DMD: variants seen among roughly 807,000 people sequenced by gnomAD.
DMD encodes mutant dystrophin.
In DMD, 63 loss-of-function variants were observed where a neutral mutation model predicts 330.1. The observed-to-expected ratio is 0.19, with a 90% CI of 0.16 to 0.24. The LOEUF (loss-of-function observed/expected upper bound fraction) is 0.24, where lower values mean the gene tolerates loss of function less well. Ranked by LOEUF, DMD falls within the 10% of genes least tolerant of loss-of-function variation. The pLI is 1.00. For missense variants in DMD, 3,344 were observed against 2,684.1 expected (o/e 1.25, Z -5.43); for synonymous variants, 1,223 against 959.8 (o/e 1.27, Z -5.07).
intron 64 of DMD, among the ~76,000 whole-genome samples, chrX:31,214,945 T>C (rs1418449314): frequency 3.9e-5 from 3 of 77,694 alleles, no homozygotes; most frequent in East Asian, 4.3e-4. Context: ...TTCTTTTTTT[T>C]TTTTTTTTTT....
rs145815302 is a variant in DMD, at chrX:32,608,720, G to A, written c.1482+5583C>T. Reference sequence around the variant, plus strand: ...AACATGTGTTCTAAAAACATTTACTGAGCATCAATTATTGACTAAGCACTC... The same window carrying A: ...AACATGTGTTCTAAAAACATTTACTAAGCATCAATTATTGACTAAGCACTC... On this transcript the variant is annotated intron_variant, in intron 12 of 78. Transcript: ENST00000357033. 9.4e-3 allele frequency among the ~76,000 whole-genome samples: 1,035 copies of A among 110,606 alleles called. 10 individuals carry two copies. Among genetic ancestry groups the A allele is most frequent in the African/African-American group, 0.032 (993 of 30,650 alleles).
chrX:31,220,138 T>C (rs1352634425), intron 64 of DMD, among the ~76,000 whole-genome samples: 1 of 111,191 alleles, frequency 9.0e-6, no homozygotes, highest in Admixed American at 9.5e-5. Flanking sequence ...CTCTCCTATA[T>C]TGACATAACA....
intron 62 of DMD, among the ~76,000 whole-genome samples, chrX:31,301,439 G>C (rs1229744303): frequency 8.9e-6 from 1 of 111,845 alleles, no homozygotes; most frequent in Non-Finnish European, 1.9e-5. Context: ...AGAAGGCAAA[G>C]GGGAAGCAAG....
At chrX:32,453,310 T>C (rs2098341521) in intron 26 of DMD, among the ~76,000 whole-genome samples, 1 of 111,078 alleles carries the variant, frequency 9.0e-6, no homozygotes, top group Admixed American at 9.6e-5. Context: ...TTGATAAATA[T>C]GCTATTGCTA....
intron 1 of DMD, among the ~76,000 whole-genome samples, chrX:33,057,788 G>A (rs1025736660): frequency 1.8e-5 from 2 of 112,304 alleles, no homozygotes; most frequent in Non-Finnish European, 3.8e-5. Flanking sequence ...TCAACATTGT[G>A]TTTATGAAGT....
intron 46 of DMD, among the ~76,000 whole-genome samples, chrX:31,930,850 C>T: frequency 8.9e-6 from 1 of 112,131 alleles, no homozygotes. Context: ...AGATAAATTT[C>T]CAAGAAAAGA....
intron 1 of DMD, among the ~76,000 whole-genome samples, chrX:33,098,168 T>C (rs1311250576): frequency 9.0e-6 from 1 of 111,726 alleles, no homozygotes. Context: ...GGACAGAATA[T>C]ATGTATTTGT....
intron 4 of DMD, among the ~76,000 whole-genome samples, chrX:32,842,946 A>G (rs1384913566): frequency 9.0e-6 from 1 of 111,069 alleles, no homozygotes; most frequent in Non-Finnish European, 1.9e-5. Context: ...AGCTGGGATT[A>G]CAGGCATGCA....
chrX:31,712,151 T>A (rs7055185), intron 52 of DMD, among the ~76,000 whole-genome samples: 5,835 of 111,404 alleles, frequency 0.052, 384 homozygotes, highest in African/African-American at 0.18. Flanking sequence ...ATTAAAGAAA[T>A]GTAAATATGC....
intron 50 of DMD, among the ~76,000 whole-genome samples, chrX:31,784,843 G>A (rs1172672367): frequency 8.9e-6 from 1 of 111,972 alleles, no homozygotes; most frequent in African/African-American, 3.2e-5. Context: ...ATGTTTGGTA[G>A]CTTAGGCATA....
chrX:32,737,899 T>A (rs1157779665), intron 7 of DMD, among the ~76,000 whole-genome samples: 8 of 111,768 alleles, frequency 7.2e-5, no homozygotes, highest in African/African-American at 2.6e-4. Context: ...AAAAATAAAC[T>A]TATAACTGAC....
chrX:31,654,095 A>G (rs1292872993), intron 54 of DMD, among the ~76,000 whole-genome samples: 2 of 112,512 alleles, frequency 1.8e-5, no homozygotes. Context: ...AGCAAAATAT[A>G]AACATTAGTT....
At chrX:32,044,526 A>C (rs1473585680) in intron 44 of DMD, among the ~76,000 whole-genome samples, 1 of 110,177 alleles carries the variant, frequency 9.1e-6, no homozygotes, top group East Asian at 2.9e-4. Context: ...GGTTCACGCC[A>C]TTCTCCTGCC....
At position 31,219,878 on chromosome X, in the gene DMD, A is replaced by G. The variant is rs182968554; in HGVS notation, c.9361+3169T>C. 1.1e-3 allele frequency among the ~76,000 whole-genome samples: 126 copies of G among 110,814 alleles called. 1 individual carries two copies. The highest frequency in any genetic ancestry group is 4.0e-3 in the African/African-American group (121 of 30,498). On this transcript the variant is annotated intron_variant, in intron 64 of 78. Transcript: ENST00000357033. The stretch of plus-strand genomic sequence containing the variant: ...CACACTTATATACACATATTGTGCC[A>G]CATAATGACATTTCAGTCAACAATG...
At chrX:32,561,856 T>C (rs2051052614) in intron 16 of DMD, among the ~76,000 whole-genome samples, 1 of 111,915 alleles carries the variant, frequency 8.9e-6, no homozygotes, top group African/African-American at 3.2e-5. Flanking sequence ...GCAGAAACCC[T>C]ATAAGCCAGT....
chrX:31,759,194 A>T (rs998405576), intron 51 of DMD, among the ~76,000 whole-genome samples: 6 of 110,345 alleles, frequency 5.4e-5, no homozygotes, highest in African/African-American at 2.0e-4. Flanking sequence ...GGGGTGAAGT[A>T]ACTGAATTAT....
At position 32,967,263 on chromosome X, in the gene DMD, T is replaced by C. The variant is rs73468817; in HGVS notation, c.93+52876A>G. 7.9e-3 allele frequency among the ~76,000 whole-genome samples: 876 copies of C among 111,256 alleles called. 7 individuals carry two copies. Among genetic ancestry groups the C allele is most frequent in the African/African-American group, 0.027 (833 of 30,556 alleles). Reference sequence around the variant, plus strand: ...TTTGAGTCCATGTAGCTGATTATGATGGAGATCACAGAAAGCATCAACAGG... The same window carrying C: ...TTTGAGTCCATGTAGCTGATTATGACGGAGATCACAGAAAGCATCAACAGG... On this transcript the variant is annotated intron_variant, in intron 2 of 78. Coordinates refer to ENST00000357033, the MANE Select transcript of DMD (RefSeq NM_004006.3).
At chrX:31,304,814 A>C (rs1297195746) in intron 62 of DMD, among the ~76,000 whole-genome samples, 2 of 110,844 alleles carry the variant, frequency 1.8e-5, no homozygotes, top group African/African-American at 6.5e-5. Flanking sequence ...AGAAGGATGT[A>C]TATATTGATG....
intron 52 of DMD, among the ~76,000 whole-genome samples, chrX:31,716,833 A>G (rs1308002183): frequency 1.1e-5 from 1 of 95,024 alleles, no homozygotes; most frequent in African/African-American, 3.9e-5. Flanking sequence ...GAATACACAC[A>G]CACACACACA....
Sources: gnomAD v4.1 joint callset for allele counts (sites outside exome capture counted in the v4.1 genomes callset) on GRCh38, gnomAD v4.1.1 for gene constraint, MANE v1.5 for transcripts, NCBI Gene and HGNC (gene_info 2026-07-23, HGNC 2026-07-21) for gene names.